The following POU6F2 variants were observed in gnomAD, a reference collection of about 807,000 sequenced individuals.
POU6F2 encodes the protein POU class 6 homeobox 2.
POU6F2 carries 31 observed loss-of-function variants against 71.3 expected under a neutral mutation model. The ratio of observed to expected loss-of-function variants is 0.43; its 90% confidence interval spans 0.33 to 0.59. The LOEUF (loss-of-function observed/expected upper bound fraction) is 0.59, where lower values mean the gene tolerates loss of function less well. Ranked by LOEUF, POU6F2 falls within the 20% of genes least tolerant of loss-of-function variation. POU6F2 has a pLI of 0.04. For synonymous variants in POU6F2, 347 were observed against 355.7 expected (o/e 0.98, Z 0.27); for missense variants, 783 against 856.8 (o/e 0.91, Z 1.07).
At chr7:39,283,454 C>T (rs2128760307) in intron 4 of POU6F2, among the ~76,000 whole-genome samples, 1 of 152,284 alleles carries the variant, frequency 6.6e-6, no homozygotes, top group Non-Finnish European at 1.5e-5. Flanking sequence ...CCCTTGACAA[C>T]CACCATTCTA....
At position 39,015,909 on chromosome 7, in the gene POU6F2, T is replaced by A. The variant is rs867499091; in HGVS notation, c.105+37851T>A. ...TTATATATTATATATAGATATATATTATATATTATATATAGATATATATAA... is the reference window on the plus strand; with the variant it reads ...TTATATATTATATATAGATATATATAATATATTATATATAGATATATATAA... On this transcript the variant is annotated intron_variant, in intron 1 of 9. Coordinates refer to ENST00000518318, the MANE Select transcript of POU6F2 (RefSeq NM_001370959.1). 1.2e-3 allele frequency among the ~76,000 whole-genome samples: 65 copies of A among 52,842 alleles called. 5 individuals are homozygous for A. Among genetic ancestry groups the A allele is most frequent in the Middle Eastern group, 0.022 (1 of 46 alleles). 34.7% of individuals were successfully genotyped at this position (52,842 alleles called of 152,430 possible). A position where few individuals can be genotyped will look rare whatever the true frequency, so the allele number is the denominator to read the frequency against.
chr7:39,360,916 C>T lies in POU6F2; in HGVS notation c.972+20901C>T, dbSNP rs558508596. ...AATCTTGGTTTTGGTGGGTTTTGGC[C>T]GGCTTCTTCACTGCAACCTGTTTTA... On this transcript the variant is annotated intron_variant, in intron 5 of 9. Coordinates refer to ENST00000518318, the MANE Select transcript of POU6F2 (RefSeq NM_001370959.1). Among the ~76,000 whole-genome samples the T allele has an allele frequency of 3.9e-4, 59 of 152,228 alleles. No homozygotes were observed. The South Asian group carries it at 9.4e-3, about 24-fold the overall frequency.
intron 4 of POU6F2, among the ~76,000 whole-genome samples, chr7:39,224,057 A>G (rs922728063): frequency 1.3e-5 from 2 of 152,298 alleles, no homozygotes; most frequent in African/African-American, 4.8e-5. Context: ...AGCGTTTGAC[A>G]TTTATATCAT....
At chr7:39,458,302 A>G (rs2237368) in intron 8 of POU6F2, among the ~76,000 whole-genome samples, 52,727 of 151,932 alleles carry the variant, frequency 0.35, 10,401 homozygotes, top group East Asian at 0.58. Context: ...GTACATCCGG[A>G]GCAGCCAAAT....
At chr7:39,348,279 G>A (rs1388935248) in intron 5 of POU6F2, among the ~76,000 whole-genome samples, 2 of 104,012 alleles carry the variant, frequency 1.9e-5, no homozygotes, top group Non-Finnish European at 4.7e-5. Context: ...TAGTGACCAT[G>A]GGCAAGTCAC....
chr7:39,311,727 G>A (rs1371006350), intron 4 of POU6F2, among the ~76,000 whole-genome samples: 2 of 152,188 alleles, frequency 1.3e-5, no homozygotes, highest in African/African-American at 4.8e-5. Context: ...ACAGGCGAAG[G>A]CTGTGATAGA....
At chr7:39,039,855 C>T (rs62442164) in intron 1 of POU6F2, among the ~76,000 whole-genome samples, 57,927 of 149,390 alleles carry the variant, frequency 0.39, 11,826 homozygotes, top group South Asian at 0.47. Flanking sequence ...AGAAGTTTGA[C>T]TGGGGCTCAA....
intron 2 of POU6F2, among the ~76,000 whole-genome samples, chr7:39,150,462 AT>A (rs1263641232): frequency 0.092 from 9,146 of 99,060 alleles, 133 homozygotes; most frequent in Middle Eastern, 0.12. Context: ...ACCAAGCTAC[AT>A]TTTTTTTTTT....
At chr7:39,280,194 G>T (rs1396225885) in intron 4 of POU6F2, among the ~76,000 whole-genome samples, 1 of 152,136 alleles carries the variant, frequency 6.6e-6, no homozygotes, top group Non-Finnish European at 1.5e-5. Context: ...ATATCTTTTT[G>T]GGAGTACTTA....
chr7:39,152,545 CAAG>C, intron 2 of POU6F2, among the ~76,000 whole-genome samples: 1 of 152,168 alleles, frequency 6.6e-6, no homozygotes, highest in East Asian at 1.9e-4. Flanking sequence ...GGTGCCAGCC[CAAG>C]AAGTCTGGTC....
chr7:39,201,702 GT>G (rs1439424500), intron 2 of POU6F2, among the ~76,000 whole-genome samples: 1 of 152,152 alleles, frequency 6.6e-6, no homozygotes, highest in Non-Finnish European at 1.5e-5. Context: ...ACCCATTCAA[GT>G]TTGTGTTTTC....
At chr7:39,201,526 A>C (rs1204614148) in intron 2 of POU6F2, among the ~76,000 whole-genome samples, 1 of 152,236 alleles carries the variant, frequency 6.6e-6, no homozygotes, top group Non-Finnish European at 1.5e-5. Flanking sequence ...TGACAGCATA[A>C]AGTGATGAAC....
intron 1 of POU6F2, among the ~76,000 whole-genome samples, chr7:39,036,872 GTTATTATTATTA>G (rs113776913): frequency 8.1e-5 from 12 of 147,502 alleles, no homozygotes; most frequent in African/African-American, 2.5e-4. Flanking sequence ...AAGAGTACCT[GTTATTATTATTA>G]TTATTATTAT....
intron 4 of POU6F2, among the ~76,000 whole-genome samples, chr7:39,219,717 C>G (rs1794310824): frequency 6.6e-6 from 1 of 152,016 alleles, no homozygotes; most frequent in African/African-American, 2.4e-5. Flanking sequence ...ATAGCCAAAA[C>G]TAAAAAAATA....
intron 2 of POU6F2, among the ~76,000 whole-genome samples, chr7:39,110,406 G>A (rs1354892025): frequency 6.6e-6 from 1 of 151,814 alleles, no homozygotes; most frequent in Admixed American, 6.6e-5. Flanking sequence ...TCCTCTTGAG[G>A]TTACTCACAT....
intron 2 of POU6F2, among the ~76,000 whole-genome samples, chr7:39,115,048 C>T (rs1791902306): frequency 6.6e-6 from 1 of 152,106 alleles, no homozygotes; most frequent in Non-Finnish European, 1.5e-5. Flanking sequence ...TGTGTAAAGA[C>T]AAAAGTGATC....
intron 6 of POU6F2, among the ~76,000 whole-genome samples, chr7:39,414,458 C>T (rs993931782): frequency 2.6e-5 from 4 of 152,170 alleles, no homozygotes; most frequent in East Asian, 1.9e-4. Flanking sequence ...GTGGAGGGGG[C>T]GGCTGTGGAG....
chr7:39,244,744 G>A (rs1783791620), intron 4 of POU6F2, among the ~76,000 whole-genome samples: 1 of 152,090 alleles, frequency 6.6e-6, no homozygotes, highest in Non-Finnish European at 1.5e-5. Flanking sequence ...TAAAATCATG[G>A]TTCTCATTTA....
At position 39,460,875 on chromosome 7, in the gene POU6F2, A is replaced by G. The variant is rs186829561; in HGVS notation, c.1658+160A>G. Among the ~76,000 whole-genome samples the G allele has an allele frequency of 6.6e-6, 1 of 152,210 alleles. No homozygotes were observed. The highest frequency in any genetic ancestry group is 2.4e-5 in the African/African-American group (1 of 41,526). ...TGTTGGGATTGGTGATCTTGATGCA[A>G]ACGACGCTGCTGAAGCAAATTTGGG... On this transcript the variant is annotated intron_variant, in intron 9 of 9. Transcript: ENST00000518318. The surrounding 1 kb of genome is among the most constrained non-coding windows in gnomAD (Gnocchi z 4.4).
Sources: gnomAD v4.1 joint callset for allele counts (sites outside exome capture counted in the v4.1 genomes callset) on GRCh38, gnomAD v4.1.1 for gene constraint, Gnocchi (gnomAD v3.1) non-coding constraint, MANE v1.5 for transcripts, NCBI Gene and HGNC (gene_info 2026-07-23, HGNC 2026-07-21) for gene names.